MAGI1: variants seen among roughly 807,000 people sequenced by gnomAD.
The protein encoded by MAGI1 is membrane associated guanylate kinase, WW and PDZ domain containing 1.
A neutral mutation model predicts 139.9 loss-of-function variants in MAGI1; 58 were observed. That is an observed-to-expected ratio of 0.41 (90% CI 0.34 to 0.52). The LOEUF is 0.52. Among genes scored for constraint, MAGI1 ranks in the 20% least tolerant of loss-of-function variants. The pLI is 0.12. For synonymous variants in MAGI1, 812 were observed against 737.9 expected (o/e 1.10, Z -1.63); for missense variants, 1,874 against 1,901.6 (o/e 0.99, Z 0.27).
intron 2 of MAGI1, among the ~76,000 whole-genome samples, chr3:65,567,866 C>T (rs1576343763): frequency 6.6e-6 from 1 of 152,084 alleles, no homozygotes; most frequent in East Asian, 1.9e-4. Context: ...AAAAGGGAAG[C>T]TCATGCAATC....
At chr3:65,690,659 A>G (rs935691764) in intron 1 of MAGI1, among the ~76,000 whole-genome samples, 2 of 87,304 alleles carry the variant, frequency 2.3e-5, no homozygotes, top group African/African-American at 1.0e-4. Flanking sequence ...TTTTTTTTTT[A>G]AGTAGAGACA....
chr3:65,628,048 C>T (rs1221684961), intron 1 of MAGI1, among the ~76,000 whole-genome samples: 1 of 152,014 alleles, frequency 6.6e-6, no homozygotes, highest in Admixed American at 6.5e-5. Context: ...CATTGTAATG[C>T]CTCCCTCCCC....
intron 1 of MAGI1, among the ~76,000 whole-genome samples, chr3:65,766,752 G>A (rs965290315): frequency 1.3e-5 from 2 of 152,008 alleles, no homozygotes; most frequent in African/African-American, 2.4e-5. Context: ...AGCCAGGTGT[G>A]ATGGCAGGCA....
intron 1 of MAGI1, among the ~76,000 whole-genome samples, chr3:66,025,658 C>T (rs1048823090): frequency 4.6e-5 from 7 of 152,248 alleles, no homozygotes; most frequent in African/African-American, 1.4e-4. Flanking sequence ...GAAAAAGCCC[C>T]CCCATCTTCA....
In MAGI1 at chr3:65,440,099, TGAGCA is replaced by T. The variant is rs1402180112; in HGVS notation, c.1137-92_1137-88del. The T allele has an allele frequency of 2.8e-6, 4 of 1,451,816 alleles. No homozygotes were observed. The African/African-American group carries it at 5.6e-5, about 20-fold the overall frequency. 89.9% of individuals were successfully genotyped at this position (1,451,816 alleles called of 1,614,324 possible). A position where few individuals can be genotyped will look rare whatever the true frequency, so the allele number is the denominator to read the frequency against. On this transcript the variant is annotated intron_variant, in intron 8 of 22. Transcript: ENST00000402939. ...TCAGACCAAGTCCCTGGAATCAAAC[TGAGCA>T]GAGCAGGTGGTCTGAGATGCTAACC...
intron 1 of MAGI1, among the ~76,000 whole-genome samples, chr3:65,999,137 T>C (rs1302379143): frequency 6.6e-6 from 1 of 152,164 alleles, no homozygotes; most frequent in South Asian, 2.1e-4. Flanking sequence ...GGTAAACATG[T>C]GCCATGGTGG....
intron 4 of MAGI1, among the ~76,000 whole-genome samples, chr3:65,471,693 C>A (rs758791426): frequency 4.0e-4 from 61 of 152,142 alleles, no homozygotes; most frequent in Non-Finnish European, 7.5e-4. Flanking sequence ...ACTCCTGGCT[C>A]TACATCATAC....
At chr3:65,469,554 G>A (rs1950420962) in intron 5 of MAGI1, among the ~76,000 whole-genome samples, 1 of 150,858 alleles carries the variant, frequency 6.6e-6, no homozygotes, top group Admixed American at 6.6e-5. Flanking sequence ...CTGTCTCTCT[G>A]TTCTCAAACC....
At chr3:65,423,814 G>A (rs1037933748) in intron 12 of MAGI1, among the ~76,000 whole-genome samples, 3 of 152,194 alleles carry the variant, frequency 2.0e-5, no homozygotes, top group African/African-American at 7.2e-5. Context: ...TATGTAAAAT[G>A]TCTAGAAGCA....
chr3:65,988,630 T>C (rs539661885), intron 1 of MAGI1, among the ~76,000 whole-genome samples: 274 of 152,318 alleles, frequency 1.8e-3, no homozygotes, highest in Non-Finnish European at 3.3e-3. Context: ...CTGTAGTTTT[T>C]CCTTGAGTTG....
chr3:65,740,335 TAGG>T (rs1481995851), intron 1 of MAGI1, among the ~76,000 whole-genome samples: 1 of 152,164 alleles, frequency 6.6e-6, no homozygotes, highest in Non-Finnish European at 1.5e-5. Context: ...CCACAAATCC[TAGG>T]AGGTTAGTAT....
chr3:65,887,878 T>C (rs1397774506), intron 1 of MAGI1, among the ~76,000 whole-genome samples: 1 of 152,178 alleles, frequency 6.6e-6, no homozygotes, highest in African/African-American at 2.4e-5. Context: ...ATAGATACAG[T>C]ATCCTAAATG....
chr3:65,497,081 A>G (rs186741950), intron 2 of MAGI1, among the ~76,000 whole-genome samples: 99 of 152,258 alleles, frequency 6.5e-4, no homozygotes, highest in Non-Finnish European at 1.2e-3. Context: ...ACAGACACCT[A>G]CGAGCAGAGA....
chr3:65,785,139 A>T (rs890773624), intron 1 of MAGI1, among the ~76,000 whole-genome samples: 1 of 152,256 alleles, frequency 6.6e-6, no homozygotes, highest in African/African-American at 2.4e-5. Context: ...ACCGCTATTT[A>T]AAATGTGATT....
At chr3:65,524,768 T>C (rs1322202627) in intron 2 of MAGI1, among the ~76,000 whole-genome samples, 1 of 152,114 alleles carries the variant, frequency 6.6e-6, no homozygotes, top group Non-Finnish European at 1.5e-5. Flanking sequence ...CCATGCAGAA[T>C]TCCTAGTGGT....
chr3:65,461,233 T>C (rs1406008788), intron 5 of MAGI1, among the ~76,000 whole-genome samples: 1 of 152,064 alleles, frequency 6.6e-6, no homozygotes, highest in Non-Finnish European at 1.5e-5. Flanking sequence ...ATTTATTTTT[T>C]GCGATGGAGT....
intron 12 of MAGI1, chr3:65,401,797 TAA>T: frequency 1.5e-6 from 2 of 1,336,840 alleles, no homozygotes; most frequent in Non-Finnish European, 1.9e-6. Context: ...TCTTCTGGAT[TAA>T]GAGAGACTTA....
intron 1 of MAGI1, among the ~76,000 whole-genome samples, chr3:65,657,927 C>A (rs2085975703): frequency 6.6e-6 from 1 of 152,112 alleles, no homozygotes; most frequent in African/African-American, 2.4e-5. Context: ...ATAACAATAC[C>A]TTCTTTAGAA....
At chr3:65,940,654 G>A (rs938087182) in intron 1 of MAGI1, among the ~76,000 whole-genome samples, 10 of 152,052 alleles carry the variant, frequency 6.6e-5, no homozygotes, top group Admixed American at 6.6e-4. Flanking sequence ...CTATAACACG[G>A]GTCCCATTAC....
Sources: allele counts gnomAD v4.1 joint callset (sites outside exome capture counted in the v4.1 genomes callset), GRCh38; gene constraint gnomAD v4.1.1; transcripts MANE v1.5; gene names NCBI Gene and HGNC (gene_info 2026-07-23, HGNC 2026-07-21).